VPS18: variants seen among roughly 807,000 people sequenced by gnomAD.
VPS18 encodes the protein vacuolar protein sorting-associated protein 18 homolog.
VPS18 carries 25 observed loss-of-function variants against 82.0 expected under a neutral mutation model. The ratio of observed to expected loss-of-function variants is 0.30; its 90% CI spans 0.22 to 0.43. VPS18 has a LOEUF of 0.43. Among genes scored for constraint, VPS18 ranks in the 20% least tolerant of loss-of-function variants. VPS18 has a pLI of 1.00. For missense variants in VPS18, 1,168 were observed against 1,311.1 expected (o/e 0.89, Z 1.69); for synonymous variants, 523 against 543.0 (o/e 0.96, Z 0.51).
intron 4 of VPS18, 114 bp downstream of exon 4, chr15:40,901,128 G>A: frequency 8.9e-7 from 1 of 1,123,694 alleles, no homozygotes; most frequent in Non-Finnish European, 1.2e-6. Context: ...CTTGCAGAGA[G>A]GGAAGGTTAA....
chr15:40,896,832 GAA>G lies in VPS18; in HGVS notation c.233+765_233+766del, dbSNP rs373795113. Among the ~76,000 whole-genome samples, 118 of 136,640 alleles carry G rather than the reference GAA, an allele frequency of 8.6e-4. 3 individuals are homozygous for G. The South Asian group carries it at 0.025, about 29-fold the overall frequency. 89.6% of individuals were successfully genotyped at this position (136,640 alleles called of 152,430 possible). On this transcript the variant is annotated intron_variant, in intron 2 of 4. Transcript: ENST00000220509. ...ATCTCAAAAAAAAAAAAAGGAAAAGGAAAAAAAAAAAAACTGTTTAGGAGTGT... is the reference window on the plus strand; with the variant it reads ...ATCTCAAAAAAAAAAAAAGGAAAAGGAAAAAAAAAAACTGTTTAGGAGTGT...
chr15:40,895,373 G>C (rs150556058), intron 1 of VPS18, among the ~76,000 whole-genome samples: 61 of 152,264 alleles, frequency 4.0e-4, no homozygotes, highest in African/African-American at 1.4e-3. Flanking sequence ...GGACGTTTTT[G>C]TAGAAAGTAG....
rs527664159 is a variant in VPS18 at position 40,900,409 on chromosome 15, C to G, written c.1591C>G (p.Arg531Gly). 27 of 1,613,974 alleles carry G rather than the reference C, an allele frequency of 1.7e-5. No homozygotes were observed. In the South Asian group the frequency reaches 2.7e-4, roughly 16 times the overall value. The part of the protein sequence containing the change: ...ECFRTFLSSP[R>G]HKEWLFASRA... ...CTTTCGAACCTTCCTCAGCAGCCCC[C>G]GCCACAAAGAGTGGCTCTTTGCCAG... Residue 531 changes from arginine (R) to glycine (G), a missense_variant, in exon 4 of 5, where the codon CGC (arginine) becomes GGC (glycine). This residue lies in a region of VPS18 where 868 missense variants were observed against 939.8 expected (regional missense o/e 0.92). Coordinates refer to ENST00000220509, the MANE Select transcript of VPS18 (RefSeq NM_020857.3). This position sits in a 1 kb window ranked among gnomAD's most constrained non-coding sequence, Gnocchi z 5.4.
Position 40,899,930 on chromosome 15 carries a change from A to C in VPS18, c.1112A>C (p.Lys371Thr), listed in dbSNP as rs761126115. The C allele has an allele frequency of 1.2e-6, 2 of 1,613,262 alleles. No homozygotes were observed. Among genetic ancestry groups the C allele is most frequent in the South Asian group, 2.2e-5 (2 of 91,088 alleles). ...TTTGGGCCGCTGAAGCACATGGTGA[A>C]GGACTCCTCCACAGGCCAGCTGTGG... ...EKFGPLKHMV[K>T]DSSTGQLWAY... The change falls in exon 4 of 5, where the codon AAG becomes ACG. Residue 371 changes from lysine to threonine, a missense_variant. By Grantham distance (78) the Lys-to-Thr change is moderately conservative. Transcript: ENST00000220509. This position sits in a 1 kb window ranked among gnomAD's most constrained non-coding sequence, Gnocchi z 4.4.
Position 40,902,140 on chromosome 15 carries a change from T to A in VPS18, c.2197-476T>A, listed in dbSNP as rs1191582548. 1.3e-5 allele frequency among the ~76,000 whole-genome samples: 2 copies of A among 149,434 alleles called. No individual in the cohort carries two copies. Among genetic ancestry groups the A allele is most frequent in the African/African-American group, 5.0e-5 (2 of 40,376 alleles). The stretch of plus-strand genomic sequence containing the variant: ...TCTTTTTTTTTTTTTTGAGACGGAG[T>A]CTTGCTCTGTTTCCCAGGCAGGAGT... On this transcript the variant is annotated intron_variant, in intron 4 of 4. Transcript: ENST00000220509. The surrounding 1 kb of genome is among the most constrained non-coding windows in gnomAD (Gnocchi z 4.2).
rs1474083661 is a variant in VPS18, at chr15:40,902,965, C to T, written c.2546C>T (p.Pro849Leu). Residue 849 changes from proline to leucine, a missense_variant, in exon 5 of 5, where the codon CCC becomes CTC. This residue lies in a region of VPS18 where 296 missense variants were observed against 354.0 expected (regional missense o/e 0.84). Transcript: ENST00000220509. This position sits in a 1 kb window ranked among gnomAD's most constrained non-coding sequence, Gnocchi z 4.2. Reference sequence around the variant, plus strand: ...CGGGGCCGCTACGGCACTGTGGAGCCCCAGGACAAATGTGCCACCTGCGAC... The same window carrying T: ...CGGGGCCGCTACGGCACTGTGGAGCTCCAGGACAAATGTGCCACCTGCGAC... ...ELRGRYGTVE[P>L]QDKCATCDFP... is the part of the protein sequence containing the mutation. 6.2e-7 allele frequency: 1 copy of T among 1,614,242 alleles called. No homozygotes were observed. The highest frequency in any genetic ancestry group is 8.5e-7 in the Non-Finnish European group (1 of 1,180,046).
rs149636710 is a variant in VPS18, at chr15:40,896,076, T to G, written c.230T>G (p.Leu77Arg). 1.2e-6 allele frequency: 2 copies of G among 1,613,980 alleles called. No individual in the cohort carries two copies. The highest frequency in any genetic ancestry group is 2.7e-5 in the African/African-American group (2 of 74,896). The change falls in exon 2 of 5, where the codon CTC becomes CGC. Residue 77 changes from leucine to arginine, a missense_variant. Around this residue, in one of 3 missense-constraint regions of VPS18, gnomAD observed 868 missense variants for 939.8 expected, o/e 0.92. Coordinates refer to ENST00000220509, the MANE Select transcript of VPS18 (RefSeq NM_020857.3). ...LCMSLGKDTL[L>R]RIDLGKANEP... The stretch of plus-strand genomic sequence containing the variant: ...ATGAGCCTGGGCAAGGATACACTGC[T>G]CCGGTAATCAAGAGCTCACAGAGCT...
Position 40,902,612 on chromosome 15 carries a change from A to T in VPS18, c.2197-4A>T. On this transcript the variant is annotated splice_region_variant and splice_polypyrimidine_tract_variant and intron_variant, in intron 4 of 4. Coordinates refer to ENST00000220509, the MANE Select transcript of VPS18 (RefSeq NM_020857.3). This position sits in a 1 kb window ranked among gnomAD's most constrained non-coding sequence, Gnocchi z 4.2. ...TGGCCCTAAAGCCCATGCTCTCCCC[A>T]CAGGTGGATGTGGACCTGGCCAAGC... is the stretch of plus-strand genomic sequence containing the variant. 6.2e-7 allele frequency: 1 copy of T among 1,606,722 alleles called. No individual in the cohort carries two copies.
intron 1 of VPS18, 87 bp from the exon 2 acceptor site, chr15:40,895,851 G>T: frequency 6.4e-7 from 1 of 1,560,308 alleles, no homozygotes. Flanking sequence ...GGAAAGTGGC[G>T]AGGAGCACTG....
rs893764619 is a variant in VPS18 at position 40,902,524 on chromosome 15, C to T, written c.2197-92C>T. ...GCTTCCAGGAGTGCTGGGAATCCTG[C>T]CTCGGGGCCTCTCCTCGGCCATCTC... On this transcript the variant is annotated intron_variant, in intron 4 of 4. Transcript: ENST00000220509. This position sits in a 1 kb window ranked among gnomAD's most constrained non-coding sequence, Gnocchi z 4.2. The T allele has an allele frequency of 2.0e-6, 3 of 1,488,564 alleles. No individual in the cohort carries two copies. Among genetic ancestry groups the T allele is most frequent in the Non-Finnish European group, 2.7e-6 (3 of 1,119,504 alleles). 92.2% of individuals were successfully genotyped at this position (1,488,564 alleles called of 1,614,324 possible). A position where few individuals can be genotyped will look rare whatever the true frequency, so the allele number is the denominator to read the frequency against.
Position 40,901,789 on chromosome 15 carries a change from C to T in VPS18, c.2196+775C>T, listed in dbSNP as rs539402579. 3.3e-5 allele frequency among the ~76,000 whole-genome samples: 5 copies of T among 152,102 alleles called. No homozygotes were observed. The South Asian group carries it at 1.0e-3, about 32-fold the overall frequency. On this transcript the variant is annotated intron_variant, in intron 4 of 4. Transcript: ENST00000220509. Reference sequence around the variant, plus strand: ...GGCGTGGTGGCACGCACCTGTAATTCCAGCTACTCAGGAGGCTGAGGTAGG... The same window carrying T: ...GGCGTGGTGGCACGCACCTGTAATTTCAGCTACTCAGGAGGCTGAGGTAGG...
rs781187757 is a variant in VPS18, at chr15:40,900,265, G to C, written c.1447G>C (p.Ala483Pro). The change falls in exon 4 of 5, where the codon GCC (alanine) becomes CCC (proline). Residue 483 changes from alanine to proline, a missense_variant. Physicochemically the swap from Ala to Pro is conservative, Grantham distance 27. This residue lies in a region of VPS18 where 868 missense variants were observed against 939.8 expected (regional missense o/e 0.92). Coordinates refer to ENST00000220509, the MANE Select transcript of VPS18 (RefSeq NM_020857.3). The surrounding 1 kb of genome is among the most constrained non-coding windows in gnomAD (Gnocchi z 5.4). ...GCGAAAACTGGCCAGTTTGAAGCCAGCCGAACGTACCCAGGCCACACTGCT... is the reference window on the plus strand; with the variant it reads ...GCGAAAACTGGCCAGTTTGAAGCCACCCGAACGTACCCAGGCCACACTGCT... ...LQRKLASLKP[A>P]ERTQATLLTT... is the part of the protein sequence containing the mutation. The C allele has an allele frequency of 1.9e-6, 3 of 1,613,784 alleles. No homozygotes were observed. Among genetic ancestry groups the C allele is most frequent in the Non-Finnish European group, 2.5e-6 (3 of 1,180,018 alleles).
In VPS18 at chr15:40,900,788, G is replaced by A. The variant is rs2142039106; in HGVS notation, c.1970G>A (p.Gly657Glu). Residue 657 changes from glycine (G) to glutamate (E), a missense_variant, in exon 4 of 5, where the codon GGG becomes GAG. Physicochemically the swap from Gly to Glu is moderately conservative, Grantham distance 98 (BLOSUM62 -2). This residue lies in a region of VPS18 where 868 missense variants were observed against 939.8 expected (regional missense o/e 0.92). Coordinates refer to ENST00000220509, the MANE Select transcript of VPS18 (RefSeq NM_020857.3). The surrounding 1 kb of genome is among the most constrained non-coding windows in gnomAD (Gnocchi z 5.4). ...ATGGAGTTCTGCGTGAACGTGCTGG[G>A]GGAGACTGAGCAGGCCATCCACAAC... ...RYMEFCVNVL[G>E]ETEQAIHNYL... 1.2e-6 allele frequency: 2 copies of A among 1,614,226 alleles called. No individual in the cohort carries two copies. Among genetic ancestry groups the A allele is most frequent in the East Asian group, 2.2e-5 (1 of 44,882 alleles).
At chr15:40,901,078 G>T (rs1892350080) in intron 4 of VPS18, 64 bp downstream of exon 4, 11 of 1,525,984 alleles carry the variant, frequency 7.2e-6, no homozygotes, top group Non-Finnish European at 8.0e-6. Flanking sequence ...TTTAGATGTG[G>T]AAGGGCTTGG....
At position 40,899,852 on chromosome 15, in the gene VPS18, C is replaced by A; in HGVS notation, c.1034C>A (p.Ala345Glu). 6.2e-7 allele frequency: 1 copy of A among 1,608,590 alleles called. No homozygotes were observed. ...FLLLLADRVE[A>E]VCTLTGQVVL... ...CTGCTACTGGCAGACCGGGTGGAGG[C>A]AGTGTGCACACTGACCGGGCAGGTG... The change falls in exon 4 of 5, where the codon GCA becomes GAA. Residue 345 changes from alanine to glutamate, a missense_variant. Around this residue, in one of 3 missense-constraint regions of VPS18, gnomAD observed 868 missense variants for 939.8 expected, o/e 0.92. Transcript: ENST00000220509. The surrounding 1 kb of genome is among the most constrained non-coding windows in gnomAD (Gnocchi z 4.4).
In VPS18 at chr15:40,900,214, G is replaced by C. The variant is rs761727627; in HGVS notation, c.1396G>C (p.Glu466Gln). The C allele has an allele frequency of 3.7e-6, 6 of 1,613,854 alleles. No homozygotes were observed. Among genetic ancestry groups the C allele is most frequent in the Non-Finnish European group, 5.1e-6 (6 of 1,180,024 alleles). ...CCTCAAGTTCCTGGAGGCCCGACAG[G>C]AGGAGGCTCTGGCTGAGTTCCTGCA... ...IALKFLEARQ[E>Q]EALAEFLQRK... is the part of the protein sequence containing the mutation. Residue 466 changes from glutamate (E) to glutamine (Q), a missense_variant, in exon 4 of 5, where the codon GAG becomes CAG. Glu to Gln is a conservative substitution (Grantham distance 29). Coordinates refer to ENST00000220509, the MANE Select transcript of VPS18 (RefSeq NM_020857.3). This position sits in a 1 kb window ranked among gnomAD's most constrained non-coding sequence, Gnocchi z 5.4.
rs760535904 is a variant in VPS18 at position 40,902,857 on chromosome 15, AC to A, written c.2440del (p.His814ThrfsTer137). On this transcript the variant is annotated frameshift_variant, in exon 5 of 5. Coordinates refer to ENST00000220509, the MANE Select transcript of VPS18 (RefSeq NM_020857.3). LOFTEE classifies it high-confidence loss of function. This position sits in a 1 kb window ranked among gnomAD's most constrained non-coding sequence, Gnocchi z 4.2. ...EAICSSLKAY[N>X]HHIQELQREM... Reference sequence around the variant, plus strand: ...ATCTGCAGCTCACTTAAGGCCTACAACCACCACATCCAGGAGCTGCAGCGGG... The same window carrying A: ...ATCTGCAGCTCACTTAAGGCCTACAACACCACATCCAGGAGCTGCAGCGGG... 6.2e-7 allele frequency: 1 copy of A among 1,614,232 alleles called. No homozygotes were observed. Among genetic ancestry groups the A allele is most frequent in the African/African-American group, 1.3e-5 (1 of 75,058 alleles).
rs145971522 is a variant in VPS18, at chr15:40,899,364, C to G, written c.546C>G (p.Phe182Leu). ...TCTCAGCCAGCGAAGGTGGGCTTTTCGGCCCTGCTCCGGATCTCTACTTCC... is the reference window on the plus strand; with the variant it reads ...TCTCAGCCAGCGAAGGTGGGCTTTTGGGCCCTGCTCCGGATCTCTACTTCC... ...AELSASEGGLFGPAPDLYFRP... is the reference protein window; with the variant it reads ...AELSASEGGLLGPAPDLYFRP... Residue 182 changes from phenylalanine to leucine, a missense_variant, in exon 4 of 5, where the codon TTC (phenylalanine) becomes TTG (leucine). By Grantham distance (22) the Phe-to-Leu change is conservative. Around this residue, in one of 3 missense-constraint regions of VPS18, gnomAD observed 868 missense variants for 939.8 expected, o/e 0.92. Coordinates refer to ENST00000220509, the MANE Select transcript of VPS18 (RefSeq NM_020857.3). The surrounding 1 kb of genome is among the most constrained non-coding windows in gnomAD (Gnocchi z 4.4). The G allele has an allele frequency of 1.2e-6, 2 of 1,611,430 alleles. No homozygotes were observed. Among genetic ancestry groups the G allele is most frequent in the Admixed American group, 3.3e-5 (2 of 59,984 alleles).
Position 40,900,260 on chromosome 15 carries a change from A to T in VPS18, c.1442A>T (p.Lys481Met), listed in dbSNP as rs755135776. The change falls in exon 4 of 5, where the codon AAG becomes ATG. Residue 481 changes from lysine to methionine, a missense_variant. Lys to Met is a moderately conservative substitution (Grantham distance 95, BLOSUM62 -1). Transcript: ENST00000220509. The surrounding 1 kb of genome is among the most constrained non-coding windows in gnomAD (Gnocchi z 5.4). ...CTGCAGCGAAAACTGGCCAGTTTGAAGCCAGCCGAACGTACCCAGGCCACA... is the reference window on the plus strand; with the variant it reads ...CTGCAGCGAAAACTGGCCAGTTTGATGCCAGCCGAACGTACCCAGGCCACA... ...EFLQRKLASLKPAERTQATLL... is the reference protein window; with the variant it reads ...EFLQRKLASLMPAERTQATLL... 5 of 1,613,618 alleles carry T rather than the reference A, an allele frequency of 3.1e-6. No homozygotes were observed. Among genetic ancestry groups the T allele is most frequent in the Non-Finnish European group, 4.2e-6 (5 of 1,179,988 alleles).
Sources: gnomAD v4.1 joint callset for allele counts (sites outside exome capture counted in the v4.1 genomes callset) on GRCh38, gnomAD v4.1.1 for gene constraint, gnomAD v4.1.1 regional missense constraint, Gnocchi (gnomAD v3.1) non-coding constraint, MANE v1.5 for transcripts, NCBI Gene and HGNC (gene_info 2026-07-23, HGNC 2026-07-21) for gene names.